The following AKIRIN2 variants were observed in gnomAD, a reference collection of about 807,000 sequenced individuals.
AKIRIN2 encodes the protein akirin 2.
In AKIRIN2, 6 loss-of-function variants were observed where a neutral mutation model predicts 29.3. The observed-to-expected ratio is 0.20, with a 90% CI of 0.11 to 0.40. The LOEUF (loss-of-function observed/expected upper bound fraction) is 0.40. Among genes scored for constraint, AKIRIN2 ranks in the 10% least tolerant of loss-of-function variants. The probability of loss-of-function intolerance (pLI) is 1.00; values close to 1 mark genes in which losing one functional copy is unlikely to be tolerated. For synonymous variants in AKIRIN2, 128 were observed against 117.5 expected, an observed-to-expected ratio of 1.09 and a Z score of -0.58; for missense variants, 210 against 276.1, an observed-to-expected ratio of 0.76 and a Z score of 1.70.
At chr6:87,691,447 A>T (rs1023836425) in intron 1 of AKIRIN2, among the ~76,000 whole-genome samples, 1 of 141,532 alleles carries the variant, frequency 7.1e-6, no homozygotes, top group Non-Finnish European at 1.5e-5. Flanking sequence ...TCTTAAAAAA[A>T]AAAAAAAAAA....
intron 2 of AKIRIN2, among the ~76,000 whole-genome samples, chr6:87,678,341 T>C (rs1771060136): frequency 1.1e-5 from 1 of 87,678 alleles, no homozygotes; most frequent in Admixed American, 1.3e-4. Flanking sequence ...CTACTAAAAA[T>C]ACATAAAAAA....
chr6:87,696,498 G>A (rs533059971), intron 1 of AKIRIN2, among the ~76,000 whole-genome samples: 33 of 147,506 alleles, frequency 2.2e-4, no homozygotes, highest in African/African-American at 6.8e-4. Context: ...CCAGAAGATC[G>A]AGACCATCCT....
chr6:87,699,520 C>T (rs989283716), intron 1 of AKIRIN2, among the ~76,000 whole-genome samples: 4 of 151,918 alleles, frequency 2.6e-5, no homozygotes, highest in African/African-American at 4.8e-5. Flanking sequence ...TATAATCAAA[C>T]TTCCAAAGTA....
chr6:87,690,540 C>A (rs113091999), intron 1 of AKIRIN2, among the ~76,000 whole-genome samples: 53 of 152,286 alleles, frequency 3.5e-4, no homozygotes, highest in African/African-American at 1.3e-3. Flanking sequence ...CATTACATGA[C>A]ATTAACCTAT....
chr6:87,681,938 G>C (rs55882516), intron 1 of AKIRIN2, among the ~76,000 whole-genome samples, 175 bp from the exon 2 acceptor site: 1 of 152,180 alleles, frequency 6.6e-6, no homozygotes. Context: ...CATTCACTTA[G>C]CACATACACA....
intron 1 of AKIRIN2, among the ~76,000 whole-genome samples, chr6:87,692,705 A>G (rs558413570): frequency 2.0e-5 from 3 of 152,288 alleles, no homozygotes; most frequent in East Asian, 3.9e-4. Context: ...CCCGCTACTC[A>G]GAAGGCTAAG....
In AKIRIN2 at chr6:87,702,145, G is replaced by A. The variant is rs1771481116; in HGVS notation, c.-461C>T. 3 of 398,756 alleles carry A rather than the reference G, an allele frequency of 7.5e-6. No homozygotes were observed. Among genetic ancestry groups the A allele is most frequent in the Non-Finnish European group, 1.3e-5 (3 of 226,112 alleles). The allele number at this position is 398,756 out of a possible 1,614,324, so 24.7% of individuals were successfully genotyped here. On this transcript the variant is annotated 5_prime_UTR_variant, in exon 1 of 5. Transcript: ENST00000257787. ...GAGTACGGTCAGTAGCTTGCGAGCG[G>A]CGATCGATGCAGAGAGATTGCGAGG... is the stretch of plus-strand genomic sequence containing the variant.
At position 87,675,240 on chromosome 6, in the gene AKIRIN2, C is replaced by T; in HGVS notation, c.*357G>A. ...GTTGTAGTGCACAATTAAAATCACA[C>T]TAACTTCATCTGAAGTGTCATTCTA... On this transcript the variant is annotated 3_prime_UTR_variant, in exon 5 of 5. Transcript: ENST00000257787. 1 of 272,216 alleles carries T rather than the reference C, an allele frequency of 3.7e-6. No homozygotes were observed. The highest frequency in any genetic ancestry group is 7.0e-6 in the Non-Finnish European group (1 of 141,874). The allele number at this position is 272,216 out of a possible 1,614,324, so 16.9% of individuals were successfully genotyped here.
chr6:87,698,373 TAAAAA>T (rs1318677681), intron 1 of AKIRIN2, among the ~76,000 whole-genome samples: 1 of 136,242 alleles, frequency 7.3e-6, no homozygotes, highest in Admixed American at 7.4e-5. Context: ...GAACAATACT[TAAAAA>T]AAAAAAAAAA....
At chr6:87,696,570 G>A (rs1244973865) in intron 1 of AKIRIN2, among the ~76,000 whole-genome samples, 2 of 151,460 alleles carry the variant, frequency 1.3e-5, no homozygotes, top group Non-Finnish European at 2.9e-5. Context: ...GCATGGTGGC[G>A]GGCACCTGTA....
intron 1 of AKIRIN2, among the ~76,000 whole-genome samples, chr6:87,689,396 T>C (rs952816334): frequency 1.3e-5 from 2 of 152,078 alleles, no homozygotes; most frequent in African/African-American, 2.4e-5. Context: ...CCCAATCGCT[T>C]AAACCTCGGA....
chr6:87,693,690 A>G (rs111973004), intron 1 of AKIRIN2, among the ~76,000 whole-genome samples: 15,738 of 147,328 alleles, frequency 0.11, 911 homozygotes, highest in East Asian at 0.18. Flanking sequence ...GCGCCACTGC[A>G]CTCCAGCCTG....
chr6:87,675,703 G>A, intron 4 of AKIRIN2, 96 bp from the exon 5 acceptor site: 1 of 1,521,402 alleles, frequency 6.6e-7, no homozygotes, highest in Non-Finnish European at 9.0e-7. Flanking sequence ...AGGTATTTAA[G>A]TAACCAAAAG....
At chr6:87,697,158 AC>A (rs1771383466) in intron 1 of AKIRIN2, among the ~76,000 whole-genome samples, 1 of 145,778 alleles carries the variant, frequency 6.9e-6, no homozygotes, top group South Asian at 2.2e-4. Context: ...AAAATACAAA[AC>A]AAAATCAGCC....
In AKIRIN2 at chr6:87,701,749, G is replaced by A. The variant is rs564337955; in HGVS notation, c.-65C>T. 5 of 1,195,330 alleles carry A rather than the reference G, an allele frequency of 4.2e-6. No homozygotes were observed. Among genetic ancestry groups the A allele is most frequent in the African/African-American group, 1.6e-5 (1 of 61,678 alleles). 74.0% of individuals were successfully genotyped at this position (1,195,330 alleles called of 1,614,324 possible). On this transcript the variant is annotated 5_prime_UTR_variant, in exon 1 of 5. Coordinates refer to ENST00000257787, the MANE Select transcript of AKIRIN2 (RefSeq NM_018064.4). ...GGGACGGGTGACGAAAGAAGAGGGT[G>A]AGGGAAGGGGTGAAGAGCGGGAACT... is the stretch of plus-strand genomic sequence containing the variant.
chr6:87,682,413 A>G (rs965983098), intron 1 of AKIRIN2, among the ~76,000 whole-genome samples: 1 of 152,222 alleles, frequency 6.6e-6, no homozygotes, highest in African/African-American at 2.4e-5. Flanking sequence ...ACAGGTCCTC[A>G]ATAAATAAGA....
intron 1 of AKIRIN2, among the ~76,000 whole-genome samples, chr6:87,687,058 A>AT (rs1223786570): frequency 1.5e-4 from 22 of 150,844 alleles, no homozygotes; most frequent in African/African-American, 5.2e-4. Context: ...AAAAAAAAAA[A>AT]AAAAAATCTT....
intron 1 of AKIRIN2, among the ~76,000 whole-genome samples, chr6:87,682,703 A>G (rs1771138192): frequency 6.6e-6 from 1 of 152,352 alleles, no homozygotes; most frequent in South Asian, 2.1e-4. Context: ...GCAAGATTAA[A>G]CAAAAATGAA....
chr6:87,677,625 C>T (rs1348149742), intron 3 of AKIRIN2, among the ~76,000 whole-genome samples, 193 bp downstream of exon 3: 2 of 152,108 alleles, frequency 1.3e-5, no homozygotes, highest in Non-Finnish European at 2.9e-5. Flanking sequence ...ACACGGCTAG[C>T]CAATACTCTT....
Sources: allele counts gnomAD v4.1 joint callset (sites outside exome capture counted in the v4.1 genomes callset), GRCh38; gene constraint gnomAD v4.1.1; transcripts MANE v1.5; gene names NCBI Gene and HGNC (gene_info 2026-07-23, HGNC 2026-07-21).